MRE11: variants seen among roughly 807,000 people sequenced by gnomAD.
The protein encoded by MRE11 is MRE11 double strand break repair nuclease, also known as double-strand break repair protein MRE11.
MRE11 carries 62 observed loss-of-function variants against 91.7 expected under a neutral mutation model. The observed-to-expected ratio is 0.68, with a 90% confidence interval of 0.55 to 0.84. MRE11 has a LOEUF of 0.84. MRE11 is among the 40% of genes least tolerant of loss of function. The probability of loss-of-function intolerance (pLI) is 0.00; values close to 1 mark genes in which losing one functional copy is unlikely to be tolerated. For missense variants in MRE11, 796 were observed against 852.9 expected, an observed-to-expected ratio of 0.93 and a Z score of 0.83; for synonymous variants, 273 against 271.4, an observed-to-expected ratio of 1.01 and a Z score of -0.06.
chr11:94,507,739 A>T, the MRE11 span, among the ~76,000 whole-genome samples: 1 of 152,122 alleles, frequency 6.6e-6, no homozygotes, highest in Non-Finnish European at 1.5e-5. Flanking sequence ...GTGACTAATG[A>T]TGTGAAGCAA....
In MRE11 at chr11:94,471,826, C is replaced by T. The variant is rs1946724761; in HGVS notation, c.660-67G>A. On this transcript the variant is annotated intron_variant, in intron 7 of 19. Transcript: ENST00000323929. ...AAATTTCATATTATTGAAGTCTATA[C>T]AGATCTTTCTTTCTCCATTCACTAA... 3.2e-6 allele frequency: 4 copies of T among 1,256,246 alleles called. 1 individual carries two copies. The South Asian group carries it at 5.3e-5, about 17-fold the overall frequency. 77.8% of individuals were successfully genotyped at this position (1,256,246 alleles called of 1,614,324 possible).
At chr11:94,442,521 G>A (rs952824019) in intron 16 of MRE11, among the ~76,000 whole-genome samples, 13 of 152,004 alleles carry the variant, frequency 8.6e-5, no homozygotes, top group African/African-American at 2.2e-4. Flanking sequence ...AAAAAAAGAC[G>A]ATTTGGGCTA....
chr11:94,456,802 A>G (rs1207000553), intron 13 of MRE11, among the ~76,000 whole-genome samples: 1 of 152,188 alleles, frequency 6.6e-6, no homozygotes, highest in East Asian at 1.9e-4. Flanking sequence ...TTAAGAGTCA[A>G]CTCATGAAGG....
At chr11:94,461,568 G>A (rs1237720926) in intron 11 of MRE11, among the ~76,000 whole-genome samples, 1 of 152,136 alleles carries the variant, frequency 6.6e-6, no homozygotes, top group African/African-American at 2.4e-5. Flanking sequence ...CACAAGACAG[G>A]GATGCCCTCT....
chr11:94,464,110 T>C lies in MRE11; in HGVS notation c.1225+3A>G. 6.2e-7 allele frequency: 1 copy of C among 1,612,792 alleles called. No individual in the cohort carries two copies. The highest frequency in any genetic ancestry group is 8.5e-7 in the Non-Finnish European group (1 of 1,179,576). The stretch of plus-strand genomic sequence containing the variant: ...TTTTACCTCATAAAAATAACTAGCT[T>C]ACCTGTTTTTTCCTTTTGTTCTCTA... On this transcript the variant is annotated splice_donor_region_variant and intron_variant, in intron 11 of 19. Coordinates refer to ENST00000323929, the MANE Select transcript of MRE11 (RefSeq NM_005591.4).
At chr11:94,475,475 A>G in intron 7 of MRE11, 1 of 397,408 alleles carries the variant, frequency 2.5e-6, no homozygotes, top group South Asian at 1.8e-5. Flanking sequence ...AAATCCTTTG[A>G]GTTCTTCCCT....
At chr11:94,437,308 G>A in intron 16 of MRE11, 73 bp from the exon 17 acceptor site, 1 of 1,442,492 alleles carries the variant, frequency 6.9e-7, no homozygotes, top group Non-Finnish European at 9.6e-7. Context: ...TACTTCTTTA[G>A]CTAAAGATTT....
At chr11:94,467,191 T>C (rs1946585553) in intron 10 of MRE11, among the ~76,000 whole-genome samples, 1 of 152,144 alleles carries the variant, frequency 6.6e-6, no homozygotes, top group Non-Finnish European at 1.5e-5. Context: ...GGTAGGAGTT[T>C]GGAAAAGGGA....
At chr11:94,438,372 CAT>C (rs1339472702) in intron 16 of MRE11, among the ~76,000 whole-genome samples, 1 of 152,190 alleles carries the variant, frequency 6.6e-6, no homozygotes, top group Non-Finnish European at 1.5e-5. Flanking sequence ...TGTGTTTGCA[CAT>C]GTTTCCTATT....
At chr11:94,449,238 A>C (rs953880473) in intron 14 of MRE11, among the ~76,000 whole-genome samples, 1 of 152,238 alleles carries the variant, frequency 6.6e-6, no homozygotes, top group Non-Finnish European at 1.5e-5. Context: ...GCTGAGGTGA[A>C]ATCACAGCTA....
chr11:94,457,887 T>TCTCACACACACACACACACA (rs372404360), intron 13 of MRE11, among the ~76,000 whole-genome samples: 18 of 144,218 alleles, frequency 1.2e-4, no homozygotes, highest in African/African-American at 4.7e-4. Context: ...TCTCTCTCTC[T>TCTCACACACACACACACACA]CACACACACA....
intron 16 of MRE11, among the ~76,000 whole-genome samples, chr11:94,441,126 T>A (rs997433618): frequency 2.6e-5 from 4 of 152,126 alleles, no homozygotes; most frequent in Admixed American, 2.6e-4. Context: ...TCCTGATAGG[T>A]CCCCTTTAAA....
At chr11:94,445,555 G>A (rs13447700) in intron 16 of MRE11, among the ~76,000 whole-genome samples, 367 of 152,266 alleles carry the variant, frequency 2.4e-3, no homozygotes, top group Non-Finnish European at 4.0e-3. Context: ...TGATCTGCCT[G>A]TCTCGGCCTC....
At chr11:94,476,786 T>C (rs534869841) in intron 6 of MRE11, among the ~76,000 whole-genome samples, 31 of 152,190 alleles carry the variant, frequency 2.0e-4, no homozygotes, top group African/African-American at 7.2e-4. Context: ...AGTGGTGTGA[T>C]CTCAGCTCAC....
chr11:94,490,148 A>G (rs971954341), intron 3 of MRE11, among the ~76,000 whole-genome samples: 4 of 152,150 alleles, frequency 2.6e-5, no homozygotes, highest in African/African-American at 9.7e-5. Context: ...TCTCAATCTG[A>G]TATTTGAAGT....
intron 3 of MRE11, 109 bp downstream of exon 3, chr11:94,490,724 G>GC (rs1388899624): frequency 2.3e-5 from 29 of 1,266,236 alleles, no homozygotes; most frequent in Non-Finnish European, 3.2e-5. Flanking sequence ...ATTCAAGCAG[G>GC]CAAGGTAAGC....
chr11:94,475,461 C>T, intron 7 of MRE11: 1 of 383,158 alleles, frequency 2.6e-6, no homozygotes, highest in South Asian at 2.0e-5. Flanking sequence ...TATAATCAGG[C>T]CCCAAATCCT....
chr11:94,495,348 G>C (rs1034076177), upstream of MRE11, among the ~76,000 whole-genome samples: 2 of 152,092 alleles, frequency 1.3e-5, no homozygotes, highest in African/African-American at 4.8e-5. Flanking sequence ...GCCTTCTATA[G>C]ACAAGTAGGA....
At chr11:94,503,023 T>C in the MRE11 span, among the ~76,000 whole-genome samples, 14 of 152,186 alleles carry the variant, frequency 9.2e-5, no homozygotes, top group Non-Finnish European at 1.2e-4. Context: ...TCCATACTTA[T>C]GTGCAAATTT....
Sources: gnomAD v4.1 joint callset for allele counts (sites outside exome capture counted in the v4.1 genomes callset) on GRCh38, gnomAD v4.1.1 for gene constraint, MANE v1.5 for transcripts, NCBI Gene and HGNC (gene_info 2026-07-23, HGNC 2026-07-21) for gene names.